The following LIN7A variants were observed in gnomAD, a reference collection of about 807,000 sequenced individuals.
LIN7A encodes the protein protein lin-7 homolog A.
In LIN7A, 25 loss-of-function variants were observed where a neutral mutation model predicts 29.8. The ratio of observed to expected loss-of-function variants is 0.84; its 90% confidence interval spans 0.61 to 1.17. LIN7A has a LOEUF of 1.17. LIN7A is among the 50% of genes most tolerant of loss of function. The pLI is 0.00. For synonymous variants in LIN7A, 118 were observed against 107.5 expected (o/e 1.10, Z -0.60); for missense variants, 239 against 287.0 (o/e 0.83, Z 1.21).
chr12:80,895,777 C>T (rs1378893955), intron 1 of LIN7A, among the ~76,000 whole-genome samples: 3 of 152,070 alleles, frequency 2.0e-5, no homozygotes, highest in Admixed American at 6.5e-5. Context: ...GATATAATGC[C>T]TTGAAGTGCC....
At chr12:80,808,407 T>G (rs1871140936) in intron 5 of LIN7A, among the ~76,000 whole-genome samples, 1 of 152,238 alleles carries the variant, frequency 6.6e-6, no homozygotes, top group Admixed American at 6.5e-5. Context: ...GCAAAAACTT[T>G]GCATTATTCA....
chr12:80,828,555 G>A (rs1424569660), intron 4 of LIN7A, among the ~76,000 whole-genome samples: 3 of 152,010 alleles, frequency 2.0e-5, no homozygotes, highest in African/African-American at 4.8e-5. Context: ...TTACTATCAG[G>A]TACTGTTTCA....
At chr12:80,918,542 TA>T (rs1877136359) in intron 1 of LIN7A, among the ~76,000 whole-genome samples, 1 of 152,114 alleles carries the variant, frequency 6.6e-6, no homozygotes, top group African/African-American at 2.4e-5. Flanking sequence ...CTACTCTTAC[TA>T]AAGTATCAGC....
intron 5 of LIN7A, among the ~76,000 whole-genome samples, chr12:80,804,564 A>G (rs919104207): frequency 6.6e-6 from 1 of 151,342 alleles, no homozygotes; most frequent in Non-Finnish European, 1.5e-5. Context: ...TCTGAGACAG[A>G]GTCTTGATCT....
chr12:80,814,099 A>G (rs1871420885), intron 4 of LIN7A, among the ~76,000 whole-genome samples: 1 of 152,216 alleles, frequency 6.6e-6, no homozygotes. Context: ...CTTCAGATTC[A>G]TAATTTCTAC....
intron 4 of LIN7A, among the ~76,000 whole-genome samples, chr12:80,815,718 C>A (rs1401484732): frequency 6.6e-6 from 1 of 152,094 alleles, no homozygotes; most frequent in African/African-American, 2.4e-5. Context: ...TACAGTGAAA[C>A]CCCCTCCTCC....
intron 2 of LIN7A, chr12:80,861,589 A>T (rs143283305): frequency 6.6e-6 from 1 of 152,272 alleles, no homozygotes; most frequent in African/African-American, 2.4e-5. Flanking sequence ...AGAAGCAGAT[A>T]CACCCTGAGA....
At chr12:80,900,707 G>A (rs893568678) in intron 1 of LIN7A, among the ~76,000 whole-genome samples, 1 of 152,040 alleles carries the variant, frequency 6.6e-6, no homozygotes, top group East Asian at 1.9e-4. Context: ...TATGTGTTAT[G>A]TCTGGCAAGA....
Position 80,932,477 on chromosome 12 carries a change from C to T in LIN7A, c.82+5164G>A, listed in dbSNP as rs1030256351. Among the ~76,000 whole-genome samples the T allele has an allele frequency of 4.6e-5, 7 of 152,132 alleles. 1 individual carries two copies. The highest frequency in any genetic ancestry group is 4.1e-4 in the South Asian group (2 of 4,828). Reference sequence around the variant, plus strand: ...ACTTGTCCAAAATGAATTTAACTCACGGAAAAGTTAGATGATAGTAATACC... The same window carrying T: ...ACTTGTCCAAAATGAATTTAACTCATGGAAAAGTTAGATGATAGTAATACC... On this transcript the variant is annotated intron_variant, in intron 1 of 5. Transcript: ENST00000552864.
At chr12:80,837,389 T>G (rs575273404) in intron 4 of LIN7A, among the ~76,000 whole-genome samples, 21 of 152,162 alleles carry the variant, frequency 1.4e-4, no homozygotes, top group African/African-American at 4.3e-4. Flanking sequence ...CCCTAAGAAC[T>G]CACAAGTATC....
intron 1 of LIN7A, among the ~76,000 whole-genome samples, chr12:80,911,884 A>G (rs1876766372): frequency 6.6e-6 from 1 of 152,232 alleles, no homozygotes; most frequent in South Asian, 2.1e-4. Context: ...TGGTATTAAC[A>G]TGAACTATTC....
chr12:80,905,216 G>T (rs748149733), intron 1 of LIN7A, among the ~76,000 whole-genome samples: 1 of 151,198 alleles, frequency 6.6e-6, no homozygotes, highest in Non-Finnish European at 1.5e-5. Flanking sequence ...TTGAGGCAGA[G>T]TGTGGCTCTG....
chr12:80,852,121 A>G (rs1291732213), intron 2 of LIN7A, among the ~76,000 whole-genome samples: 4 of 152,168 alleles, frequency 2.6e-5, no homozygotes, highest in Non-Finnish European at 5.9e-5. Flanking sequence ...TTTTCACTAT[A>G]GAAGGGCTGT....
intron 1 of LIN7A, among the ~76,000 whole-genome samples, chr12:80,928,558 T>A (rs1877728123): frequency 6.6e-6 from 1 of 152,222 alleles, no homozygotes; most frequent in Admixed American, 6.5e-5. Flanking sequence ...GTTTTTTTCT[T>A]GTAAATTTGT....
At chr12:80,921,121 C>T (rs553839178) in intron 1 of LIN7A, among the ~76,000 whole-genome samples, 2 of 152,170 alleles carry the variant, frequency 1.3e-5, no homozygotes, top group South Asian at 2.1e-4. Flanking sequence ...GTCAAGAGGG[C>T]GCTGGAGATT....
intron 2 of LIN7A, among the ~76,000 whole-genome samples, chr12:80,867,161 A>C (rs1214698448): frequency 6.6e-6 from 1 of 152,070 alleles, no homozygotes. Flanking sequence ...CATGTTGACC[A>C]GTCTTGAGCT....
rs757411779 is a variant in LIN7A, at chr12:80,811,694, A to G, written c.484-11T>C. On this transcript the variant is annotated splice_polypyrimidine_tract_variant and intron_variant, in intron 4 of 5. Coordinates refer to ENST00000552864, the MANE Select transcript of LIN7A (RefSeq NM_004664.4). Reference sequence around the variant, plus strand: ...TTCTCCTTCCACACTCTGAAAATACAATGACACTTCTTAAAGGGAGGAGGT... The same window carrying G: ...TTCTCCTTCCACACTCTGAAAATACGATGACACTTCTTAAAGGGAGGAGGT... 6.3e-7 allele frequency: 1 copy of G among 1,593,926 alleles called. No homozygotes were observed. The highest frequency in any genetic ancestry group is 1.7e-5 in the Admixed American group (1 of 59,622).
intron 2 of LIN7A, among the ~76,000 whole-genome samples, chr12:80,885,522 T>G (rs1041468183): frequency 6.6e-6 from 1 of 152,142 alleles, no homozygotes; most frequent in Admixed American, 6.5e-5. Flanking sequence ...ATCAGGGGTC[T>G]TTAGAGATCC....
chr12:80,883,586 G>C (rs140798453), intron 2 of LIN7A, among the ~76,000 whole-genome samples: 1 of 152,062 alleles, frequency 6.6e-6, no homozygotes, highest in Non-Finnish European at 1.5e-5. Context: ...CCATACTTAG[G>C]GATACTGTGG....
Sources: allele counts gnomAD v4.1 joint callset (sites outside exome capture counted in the v4.1 genomes callset), GRCh38; gene constraint gnomAD v4.1.1; transcripts MANE v1.5; gene names NCBI Gene and HGNC (gene_info 2026-07-23, HGNC 2026-07-21).